IMPG1: variants seen among roughly 807,000 people sequenced by gnomAD.
IMPG1 encodes interphotoreceptor matrix proteoglycan of 150 kDa.
Under a neutral mutation model 92.0 loss-of-function variants are expected in IMPG1, and 85 were observed. That is an observed-to-expected ratio of 0.92 (90% CI 0.78 to 1.11). The LOEUF is 1.11. Among genes scored for constraint, IMPG1 ranks in the 50% least tolerant of loss-of-function variants. The pLI, the probability that IMPG1 is intolerant of heterozygous loss-of-function variation, is 0.00. For synonymous variants in IMPG1, 367 were observed against 334.1 expected (o/e 1.10, Z -1.08); for missense variants, 1,022 against 956.0 (o/e 1.07, Z -0.91).
chr6:75,923,882 C>G (rs995275306), intron 15 of IMPG1, among the ~76,000 whole-genome samples, 176 bp from the exon 16 acceptor site: 1 of 152,134 alleles, frequency 6.6e-6, no homozygotes, highest in Non-Finnish European at 1.5e-5. Flanking sequence ...TTTCCCCTGA[C>G]TTTTGCCTTT....
intron 4 of IMPG1, among the ~76,000 whole-genome samples, chr6:76,028,230 T>C (rs989417563): frequency 6.6e-6 from 1 of 152,242 alleles, no homozygotes; most frequent in Non-Finnish European, 1.5e-5. Flanking sequence ...CGTTTTGCTA[T>C]TCACAGACAA....
chr6:76,018,578 G>T, intron 7 of IMPG1, 140 bp downstream of exon 7: 1 of 687,896 alleles, frequency 1.5e-6, no homozygotes, highest in Non-Finnish European at 2.3e-6. Context: ...AGGGCCCATT[G>T]TAATTTTGGT....
At chr6:75,980,369 G>C (rs1366405242) in intron 12 of IMPG1, among the ~76,000 whole-genome samples, 1 of 152,204 alleles carries the variant, frequency 6.6e-6, no homozygotes, top group African/African-American at 2.4e-5. Flanking sequence ...ATATACAGGT[G>C]TGATAGTTAA....
chr6:76,013,248 C>T (rs547648674), intron 7 of IMPG1, among the ~76,000 whole-genome samples: 47 of 152,028 alleles, frequency 3.1e-4, no homozygotes, highest in Non-Finnish European at 5.9e-4. Flanking sequence ...GCATTTAAGA[C>T]CCTCCAGAAT....
At chr6:76,030,956 G>A (rs953968539) in intron 4 of IMPG1, among the ~76,000 whole-genome samples, 6 of 152,086 alleles carry the variant, frequency 3.9e-5, no homozygotes, top group Admixed American at 2.0e-4. Flanking sequence ...GCCCATCCTC[G>A]TTTGGTGCGG....
chr6:76,035,132 C>G (rs1330911483), intron 2 of IMPG1, among the ~76,000 whole-genome samples: 2 of 151,878 alleles, frequency 1.3e-5, no homozygotes, highest in African/African-American at 4.8e-5. Flanking sequence ...TTGTGGAGTG[C>G]TAGGGGCACT....
At chr6:76,014,120 C>T (rs1783241033) in intron 7 of IMPG1, among the ~76,000 whole-genome samples, 2 of 152,270 alleles carry the variant, frequency 1.3e-5, no homozygotes, top group East Asian at 1.9e-4. Flanking sequence ...ATCTTGGTCT[C>T]CTTACCCAAA....
intron 12 of IMPG1, among the ~76,000 whole-genome samples, chr6:75,975,610 C>T (rs902467675): frequency 2.0e-5 from 3 of 152,136 alleles, no homozygotes; most frequent in South Asian, 2.1e-4. Flanking sequence ...GAGATGCCAT[C>T]GATTTTCCTT....
In IMPG1 at chr6:76,006,529, C is replaced by T. The variant is rs536086418; in HGVS notation, c.887+951G>A. Among the ~76,000 whole-genome samples the T allele has an allele frequency of 5.2e-4, 76 of 146,858 alleles. 1 individual carries two copies. Among genetic ancestry groups the T allele is most frequent in the Non-Finnish European group, 8.7e-4 (58 of 66,730 alleles). On this transcript the variant is annotated intron_variant, in intron 9 of 16. Transcript: ENST00000369950. Reference sequence around the variant, plus strand: ...ACCTATATACATATGGGTATATATACGTGTGTGTGTGTGTATGTGTATATA... The same window carrying T: ...ACCTATATACATATGGGTATATATATGTGTGTGTGTGTGTATGTGTATATA...
intron 1 of IMPG1, among the ~76,000 whole-genome samples, chr6:76,047,476 A>T (rs1175196358): frequency 6.6e-6 from 1 of 152,234 alleles, no homozygotes; most frequent in Non-Finnish European, 1.5e-5. Context: ...TGTAAATGAG[A>T]TAAACAAATG....
chr6:76,014,353 G>A (rs577996982), intron 7 of IMPG1, among the ~76,000 whole-genome samples: 9 of 152,326 alleles, frequency 5.9e-5, no homozygotes, highest in African/African-American at 1.4e-4. Flanking sequence ...AGGGAGGAAG[G>A]ACAGGATGAG....
At chr6:75,962,815 T>C (rs1582069633) in intron 12 of IMPG1, among the ~76,000 whole-genome samples, 1 of 151,424 alleles carries the variant, frequency 6.6e-6, no homozygotes, top group Non-Finnish European at 1.5e-5. Context: ...CTGAGGCAGG[T>C]GGATCATCTG....
intron 12 of IMPG1, among the ~76,000 whole-genome samples, chr6:75,971,846 A>T (rs546804503): frequency 2.0e-5 from 3 of 152,292 alleles, no homozygotes; most frequent in South Asian, 4.1e-4. Flanking sequence ...GTAATTGATT[A>T]TTTCCTTGTG....
At chr6:75,978,563 T>C (rs1016425238) in intron 12 of IMPG1, among the ~76,000 whole-genome samples, 1 of 152,178 alleles carries the variant, frequency 6.6e-6, no homozygotes. Flanking sequence ...GTACTAAAGT[T>C]CAGTTTCCTT....
intron 14 of IMPG1, among the ~76,000 whole-genome samples, chr6:75,946,135 G>A (rs1311439705): frequency 6.6e-6 from 1 of 152,180 alleles, no homozygotes; most frequent in African/African-American, 2.4e-5. Context: ...TGTCTTACTG[G>A]CATTTAGGAG....
chr6:75,986,509 T>C (rs1267575018), intron 12 of IMPG1, among the ~76,000 whole-genome samples: 1 of 152,174 alleles, frequency 6.6e-6, no homozygotes, highest in East Asian at 1.9e-4. Flanking sequence ...GAAGGGGATC[T>C]GCAGAAAGAT....
Position 75,960,503 on chromosome 6 carries a change from A to C in IMPG1, c.1292-9409T>G, listed in dbSNP as rs77907439. On this transcript the variant is annotated intron_variant, in intron 12 of 16. Transcript: ENST00000369950. ...ACTAAAAATTATTATTTTTAATCTG[A>C]AATTTAAATTTAACTGGACATTTTG... Among the ~76,000 whole-genome samples the C allele has an allele frequency of 8.1e-3, 1,231 of 152,248 alleles. 17 individuals are homozygous for C. The highest frequency in any genetic ancestry group is 0.028 in the African/African-American group (1,176 of 41,546).
At chr6:75,960,577 A>G (rs1782199222) in intron 12 of IMPG1, among the ~76,000 whole-genome samples, 3 of 152,198 alleles carry the variant, frequency 2.0e-5, no homozygotes, top group Non-Finnish European at 4.4e-5. Flanking sequence ...TGATTTTAAA[A>G]GACTCCTACT....
chr6:76,069,409 A>G (rs185128107), intron 1 of IMPG1, among the ~76,000 whole-genome samples: 2 of 152,314 alleles, frequency 1.3e-5, no homozygotes, highest in East Asian at 3.9e-4. Flanking sequence ...GTGCACAGTA[A>G]AAGAAATATT....
Sources: gnomAD v4.1 joint callset for allele counts (sites outside exome capture counted in the v4.1 genomes callset) on GRCh38, gnomAD v4.1.1 for gene constraint, MANE v1.5 for transcripts, NCBI Gene and HGNC (gene_info 2026-07-23, HGNC 2026-07-21) for gene names.